MITF: variants seen among roughly 807,000 people sequenced by gnomAD.
The protein encoded by MITF is microphthalmia-associated transcription factor.
Under a neutral mutation model 60.5 loss-of-function variants are expected in MITF, and 17 were observed. The observed-to-expected ratio is 0.28, with a 90% confidence interval of 0.19 to 0.42. MITF has a LOEUF of 0.42. MITF is among the 10% of genes least tolerant of loss of function. The probability of loss-of-function intolerance (pLI) is 1.00; values close to 1 mark genes in which losing one functional copy is unlikely to be tolerated. For missense variants in MITF, 622 were observed against 683.5 expected (o/e 0.91, Z 1.00); for synonymous variants, 260 against 248.5 (o/e 1.05, Z -0.43).
rs149846408 is a variant in MITF at position 69,790,498 on chromosome 3, G to GT, written c.104+50803dup. On this transcript the variant is annotated intron_variant, in intron 1 of 9. Transcript: ENST00000352241. ...TTTTATGTAACATGTTTGTTTATTT[G>GT]TTTTTTACCACAATTTTAAAAATTT... is the stretch of plus-strand genomic sequence containing the variant. Among the ~76,000 whole-genome samples, 650 of 152,182 alleles carry GT rather than the reference G, an allele frequency of 4.3e-3. 6 individuals carry two copies. The highest frequency in any genetic ancestry group is 0.014 in the African/African-American group (601 of 41,530).
At chr3:69,833,580 G>T (rs984770078) in intron 1 of MITF, among the ~76,000 whole-genome samples, 5 of 148,734 alleles carry the variant, frequency 3.4e-5, no homozygotes, top group South Asian at 2.1e-4. Context: ...TTCCTTCCCT[G>T]TTCACACTGT....
At chr3:69,877,762 C>A (rs750376806) in intron 1 of MITF, among the ~76,000 whole-genome samples, 1 of 152,076 alleles carries the variant, frequency 6.6e-6, no homozygotes, top group Non-Finnish European at 1.5e-5. Context: ...TTAAGGAGCT[C>A]ATGAGGATGG....
intron 1 of MITF, among the ~76,000 whole-genome samples, chr3:69,755,869 T>G (rs1011510212): frequency 6.6e-6 from 1 of 152,196 alleles, no homozygotes; most frequent in African/African-American, 2.4e-5. Flanking sequence ...TTACTGCTGC[T>G]CCTCCTCCTG....
intron 2 of MITF, among the ~76,000 whole-genome samples, chr3:69,906,876 C>T (rs2065111463): frequency 6.6e-6 from 1 of 152,098 alleles, no homozygotes; most frequent in Non-Finnish European, 1.5e-5. Context: ...GCTGTCAACG[C>T]ACTCCCTTTC....
intron 2 of MITF, among the ~76,000 whole-genome samples, chr3:69,913,601 T>C (rs1476351657): frequency 6.6e-6 from 1 of 152,188 alleles, no homozygotes; most frequent in Non-Finnish European, 1.5e-5. Context: ...TCATCACACA[T>C]AGTGATTGAC....
intron 1 of MITF, among the ~76,000 whole-genome samples, chr3:69,821,363 G>A (rs1265657975): frequency 6.6e-6 from 1 of 152,028 alleles, no homozygotes; most frequent in Non-Finnish European, 1.5e-5. Context: ...TGTTTTGTGG[G>A]TTGCTGCCCT....
At chr3:69,951,912 G>A in intron 7 of MITF, 26 bp downstream of exon 7, 2 of 1,543,542 alleles carry the variant, frequency 1.3e-6, no homozygotes, top group Non-Finnish European at 1.8e-6. Context: ...TTATGTTCAT[G>A]ACATTTGATA....
At position 69,871,220 on chromosome 3, in the gene MITF, C is replaced by A. The variant is rs140257368; in HGVS notation, c.105-7914C>A. On this transcript the variant is annotated intron_variant, in intron 1 of 9. Coordinates refer to ENST00000352241, the MANE Select transcript of MITF (RefSeq NM_001354604.2). ...AAGTTCCAGATTTACATCCTACCAG[C>A]TTTTCAAACCTTAGTTTAAAGAGAC... is the stretch of plus-strand genomic sequence containing the variant. 4.2e-4 allele frequency among the ~76,000 whole-genome samples: 64 copies of A among 152,306 alleles called. 1 individual carries two copies. Among genetic ancestry groups the A allele is most frequent in the Middle Eastern group, 3.4e-3 (1 of 294 alleles).
rs1576077599 is a variant in MITF at position 69,967,947 on chromosome 3, C to T, written c.*2699C>T. The T allele has an allele frequency of 8.6e-6, 2 of 233,268 alleles. No individual in the cohort carries two copies. Among genetic ancestry groups the T allele is most frequent in the East Asian group, 6.0e-5 (1 of 16,562 alleles). 14.4% of individuals were successfully genotyped at this position (233,268 alleles called of 1,614,324 possible). A position where few individuals can be genotyped will look rare whatever the true frequency, so the allele number is the denominator to read the frequency against. On this transcript the variant is annotated 3_prime_UTR_variant, in exon 10 of 10. Coordinates refer to ENST00000352241, the MANE Select transcript of MITF (RefSeq NM_001354604.2). ...GGAAATACCAAACCTTCTGACTTTG[C>T]CAAAAAGCATACAAGCAACCTGGTC...
chr3:69,957,853 A>T (rs1321309999), intron 8 of MITF, among the ~76,000 whole-genome samples: 1 of 152,226 alleles, frequency 6.6e-6, no homozygotes, highest in African/African-American at 2.4e-5. Flanking sequence ...TTAAGACAAA[A>T]CAGACTATAA....
chr3:69,795,644 TGA>T (rs2062815242), intron 1 of MITF, among the ~76,000 whole-genome samples: 1 of 152,166 alleles, frequency 6.6e-6, no homozygotes, highest in Non-Finnish European at 1.5e-5. Flanking sequence ...GAGGATTGCT[TGA>T]GCCTGGGAGG....
intron 1 of MITF, among the ~76,000 whole-genome samples, chr3:69,792,650 C>T (rs1000053228): frequency 6.6e-6 from 1 of 152,098 alleles, no homozygotes. Flanking sequence ...AAAGTGGACT[C>T]GTTCTGGGTA....
intron 1 of MITF, among the ~76,000 whole-genome samples, chr3:69,836,991 C>T (rs1465117440): frequency 1.3e-5 from 2 of 152,194 alleles, no homozygotes; most frequent in Non-Finnish European, 2.9e-5. Flanking sequence ...CTGCAGCCTG[C>T]ACCATTGACG....
chr3:69,911,801 A>C (rs767905541), intron 2 of MITF, among the ~76,000 whole-genome samples: 47 of 152,200 alleles, frequency 3.1e-4, no homozygotes, highest in Non-Finnish European at 1.3e-4. Context: ...GGAAATCAGA[A>C]CCTTCATACA....
chr3:69,944,786 G>A (rs1250575630), intron 5 of MITF, among the ~76,000 whole-genome samples: 3 of 152,016 alleles, frequency 2.0e-5, no homozygotes, highest in Non-Finnish European at 4.4e-5. Flanking sequence ...GAACAGTTGG[G>A]CCCTGATAAG....
At chr3:69,743,560 A>G (rs556860311) in intron 1 of MITF, among the ~76,000 whole-genome samples, 16 of 152,194 alleles carry the variant, frequency 1.1e-4, no homozygotes, top group Non-Finnish European at 2.4e-4. Context: ...AGATTATGTG[A>G]ATCTCATTTT....
chr3:69,814,123 T>TAA, intron 1 of MITF, among the ~76,000 whole-genome samples: 1 of 143,204 alleles, frequency 7.0e-6, no homozygotes, highest in Middle Eastern at 3.6e-3. Flanking sequence ...TTCCTGTTTA[T>TAA]AAAAAAAAAA....
chr3:69,826,169 T>C (rs1231804700), intron 1 of MITF, among the ~76,000 whole-genome samples: 2 of 152,190 alleles, frequency 1.3e-5, no homozygotes, highest in Admixed American at 6.5e-5. Context: ...GAACATTACC[T>C]GCACCCTAGA....
rs1575679028 is a variant in MITF, at chr3:69,764,074, G to A, written c.104+24373G>A. Reference sequence around the variant, plus strand: ...TAAATGGCTAGATTGCTTTCTGTTTGTTTTCGGAAATGTTCAGTTCACTTG... The same window carrying A: ...TAAATGGCTAGATTGCTTTCTGTTTATTTTCGGAAATGTTCAGTTCACTTG... On this transcript the variant is annotated intron_variant, in intron 1 of 9. Transcript: ENST00000352241. The A allele has an allele frequency of 1.0e-5, 7 of 688,734 alleles. No individual in the cohort carries two copies. In the South Asian group the frequency reaches 1.4e-4, roughly 13 times the overall value. The allele number at this position is 688,734 out of a possible 1,614,324, so 42.7% of individuals were successfully genotyped here. A position where few individuals can be genotyped will look rare whatever the true frequency, so the allele number is the denominator to read the frequency against.
Sources: allele counts gnomAD v4.1 joint callset (sites outside exome capture counted in the v4.1 genomes callset), GRCh38; gene constraint gnomAD v4.1.1; transcripts MANE v1.5; gene names NCBI Gene and HGNC (gene_info 2026-07-23, HGNC 2026-07-21).